Variants in PHB1 observed in about 807,000 individuals in gnomAD.
PHB1 encodes prohibitin 1.
chr17:49,411,618 A>T, the PHB1 span: 1 of 1,462,770 alleles, frequency 6.8e-7, no homozygotes, highest in Non-Finnish European at 9.5e-7. Flanking sequence ...CCTGTGACAC[A>T]GAAGAACAGA....
the PHB1 span, among the ~76,000 whole-genome samples, chr17:49,406,325 T>C: frequency 1.3e-5 from 2 of 152,198 alleles, no homozygotes; most frequent in Non-Finnish European, 2.9e-5. Flanking sequence ...ATACACTGTG[T>C]CCCATCACAT....
the PHB1 span, chr17:49,409,602 G>T: frequency 1.4e-6 from 1 of 711,056 alleles, no homozygotes; most frequent in Non-Finnish European, 2.3e-6. Flanking sequence ...AGTACAATGG[G>T]ACAATCTCGG....
the PHB1 span, among the ~76,000 whole-genome samples, chr17:49,413,939 A>G: frequency 9.8e-5 from 15 of 152,292 alleles, no homozygotes; most frequent in Admixed American, 7.8e-4. Context: ...CATTTCCTGG[A>G]CAAGTAGGCC....
the PHB1 span, chr17:49,411,782 A>C: frequency 3.7e-6 from 6 of 1,613,968 alleles, no homozygotes; most frequent in Admixed American, 1.0e-4. Flanking sequence ...TTCCCCTACC[A>C]CAATGTCCTG....
chr17:49,411,568 C>T, the PHB1 span: 9 of 903,824 alleles, frequency 1.0e-5, no homozygotes, highest in Admixed American at 1.3e-4. Flanking sequence ...CTATGATGTA[C>T]AGTTCAAACT....
At chr17:49,412,067 G>C in the PHB1 span, 1 of 460,636 alleles carries the variant, frequency 2.2e-6, no homozygotes, top group Non-Finnish European at 3.8e-6. Flanking sequence ...CTGTTCCTTA[G>C]CATCCTTTCT....
chr17:49,405,208 AAAG>A, the PHB1 span: 1 of 1,613,186 alleles, frequency 6.2e-7, no homozygotes, highest in East Asian at 2.2e-5. Flanking sequence ...GCTCAGCCTA[AAAG>A]AATGGAGGTG....
At chr17:49,406,989 T>C in the PHB1 span, 1 of 679,302 alleles carries the variant, frequency 1.5e-6, no homozygotes, top group Non-Finnish European at 2.7e-6. Context: ...GCCAGAACAC[T>C]CTTCCACCTC....
At chr17:49,406,697 G>A in the PHB1 span, 1 of 1,167,870 alleles carries the variant, frequency 8.6e-7, no homozygotes. Flanking sequence ...CCCAGCAAAT[G>A]GGGAAGCTGA....
chr17:49,413,936 T>C, the PHB1 span, among the ~76,000 whole-genome samples: 1 of 152,044 alleles, frequency 6.6e-6, no homozygotes, highest in Non-Finnish European at 1.5e-5. Context: ...TCTCATTTCC[T>C]GGACAAGTAG....
the PHB1 span, chr17:49,406,711 C>CAA: frequency 7.5e-7 from 1 of 1,327,764 alleles, no homozygotes; most frequent in African/African-American, 1.4e-5. Flanking sequence ...AAGCTGAGTG[C>CAA]CGGAGAAAGG....
At chr17:49,414,331 T>C in the PHB1 span, 2 of 151,358 alleles carry the variant, frequency 1.3e-5, no homozygotes, top group Non-Finnish European at 2.9e-5. Context: ...GGGGCCAAGA[T>C]AACTGAAGAA....
the PHB1 span, chr17:49,411,881 T>A: frequency 1.4e-3 from 2,161 of 1,583,716 alleles, 53 homozygotes; most frequent in East Asian, 0.047. Flanking sequence ...AATCCTCTCA[T>A]CCTTTAAACA....
chr17:49,406,974 G>T, the PHB1 span: 5 of 717,022 alleles, frequency 7.0e-6, no homozygotes, highest in Non-Finnish European at 1.3e-5. Flanking sequence ...GGAGGCATCC[G>T]TGAGGCCAGA....
the PHB1 span, among the ~76,000 whole-genome samples, chr17:49,411,276 C>A: frequency 1.2e-3 from 182 of 148,508 alleles, 1 homozygote; most frequent in African/African-American, 4.3e-3. Flanking sequence ...TCTTAGCTCA[C>A]TGCAACCTCC....
At chr17:49,407,067 T>C in the PHB1 span, 1 of 571,530 alleles carries the variant, frequency 1.7e-6, no homozygotes, top group East Asian at 3.0e-5. Flanking sequence ...TGTATATTAC[T>C]CTGTCACTCT....
chr17:49,413,145 G>A, the PHB1 span: 2 of 1,482,574 alleles, frequency 1.3e-6, no homozygotes, highest in Non-Finnish European at 1.9e-6. Context: ...TCCTAGGAAA[G>A]TGCAGTGACC....
chr17:49,406,893 T>C, the PHB1 span: 1 of 1,439,688 alleles, frequency 6.9e-7, no homozygotes, highest in South Asian at 1.1e-5. Flanking sequence ...GGCAGTGTGA[T>C]TGCTTCGACA....
the PHB1 span, chr17:49,405,265 C>T: frequency 7.0e-7 from 1 of 1,437,826 alleles, no homozygotes; most frequent in Non-Finnish European, 9.7e-7. Context: ...CAGGCTACAA[C>T]CAAAGGCCCT....
Sources: allele counts gnomAD v4.1 joint callset (sites outside exome capture counted in the v4.1 genomes callset), GRCh38; gene constraint gnomAD v4.1.1; transcripts MANE v1.5; gene names NCBI Gene and HGNC (gene_info 2026-07-23, HGNC 2026-07-21).